The following FRMD6 variants were observed in gnomAD, a reference collection of about 807,000 sequenced individuals.
The protein encoded by FRMD6 is FERM domain-containing protein 6.
Under a neutral mutation model 73.2 loss-of-function variants are expected in FRMD6, and 37 were observed. The observed-to-expected ratio is 0.51, with a 90% CI of 0.39 to 0.66. The LOEUF is 0.66. Among genes scored for constraint, FRMD6 ranks in the 30% least tolerant of loss-of-function variants. The pLI, the probability that FRMD6 is intolerant of heterozygous loss-of-function variation, is 0.00. For synonymous variants in FRMD6, 273 were observed against 282.2 expected (o/e 0.97, Z 0.33); for missense variants, 714 against 780.5 (o/e 0.91, Z 1.02).
At chr14:51,588,212 A>G (rs370892161) in intron 2 of FRMD6, among the ~76,000 whole-genome samples, 1 of 152,114 alleles carries the variant, frequency 6.6e-6, no homozygotes, top group East Asian at 1.9e-4. Context: ...AAATGACTCA[A>G]TGTATATGCT....
chr14:51,443,413 G>A, the FRMD6 span, among the ~76,000 whole-genome samples: 3 of 152,202 alleles, frequency 2.0e-5, no homozygotes, highest in Admixed American at 2.0e-4. Context: ...ACCAAAAGAT[G>A]AGGCAGCGTG....
At chr14:51,660,613 G>GAAA (rs10605746) in intron 1 of FRMD6, among the ~76,000 whole-genome samples, 1,408 of 139,498 alleles carry the variant, frequency 0.01, 29 homozygotes, top group African/African-American at 0.034. Flanking sequence ...TAAAATAAAG[G>GAAA]AAAAAAAAAA....
At chr14:51,546,055 T>C (rs1187708111) in intron 1 of FRMD6, among the ~76,000 whole-genome samples, 2 of 152,292 alleles carry the variant, frequency 1.3e-5, no homozygotes, top group East Asian at 3.9e-4. Flanking sequence ...CGAAATTCCA[T>C]TATAAATAGA....
At chr14:51,478,166 C>G in the FRMD6 span, among the ~76,000 whole-genome samples, 1 of 152,334 alleles carries the variant, frequency 6.6e-6, no homozygotes, top group East Asian at 1.9e-4. Flanking sequence ...GCTTTTCAAG[C>G]CAGCATGTCT....
intron 1 of FRMD6, among the ~76,000 whole-genome samples, chr14:51,528,522 A>T (rs1885391429): frequency 6.6e-6 from 1 of 152,136 alleles, no homozygotes; most frequent in Admixed American, 6.5e-5. Context: ...TGGGGAGCCC[A>T]TTAGAAGGTC....
At chr14:51,408,740 G>A in the FRMD6 span, among the ~76,000 whole-genome samples, 10 of 152,182 alleles carry the variant, frequency 6.6e-5, no homozygotes, top group East Asian at 1.9e-3. Context: ...TATATATTGT[G>A]TGTCTAATTT....
intron 10 of FRMD6, 132 bp downstream of exon 10, chr14:51,715,631 A>G (rs1897197410): frequency 4.7e-6 from 3 of 634,102 alleles, no homozygotes; most frequent in East Asian, 5.9e-5. Flanking sequence ...GAGCAGCATT[A>G]CTATTTACAT....
At chr14:51,665,909 T>C (rs982979387) in intron 1 of FRMD6, among the ~76,000 whole-genome samples, 1 of 152,220 alleles carries the variant, frequency 6.6e-6, no homozygotes. Context: ...CCTTCTGCCA[T>C]GATTGTGAGG....
chr14:51,409,035 T>A, the FRMD6 span, among the ~76,000 whole-genome samples: 1 of 152,204 alleles, frequency 6.6e-6, no homozygotes, highest in Non-Finnish European at 1.5e-5. Flanking sequence ...CGACAGGGAC[T>A]TTTTCTCCTT....
chr14:51,593,565 T>C (rs11850904), intron 2 of FRMD6, among the ~76,000 whole-genome samples: 64,427 of 152,040 alleles, frequency 0.42, 14,029 homozygotes, highest in South Asian at 0.52. Context: ...TGCCTCTGAA[T>C]GGTCTTGCTT....
chr14:51,635,407 A>ACAAAT (rs1279713176), intron 2 of FRMD6, among the ~76,000 whole-genome samples: 1 of 152,116 alleles, frequency 6.6e-6, no homozygotes, highest in East Asian at 1.9e-4. Flanking sequence ...ACAAAACAAA[A>ACAAAT]AGGAGGCAGA....
In FRMD6 at chr14:51,720,342, G is replaced by C. The variant is rs1205949192; in HGVS notation, c.1312G>C (p.Val438Leu). The C allele has an allele frequency of 2.5e-6, 4 of 1,613,728 alleles. No homozygotes were observed. Among genetic ancestry groups the C allele is most frequent in the Non-Finnish European group, 2.5e-6 (3 of 1,180,040 alleles). The change falls in exon 11 of 14, where the codon GTG (valine) becomes CTG (leucine). Residue 438 changes from valine (V) to leucine (L), a missense_variant. Val to Leu is a conservative substitution (Grantham distance 32, BLOSUM62 1). Transcript: ENST00000344768. ...TCATGGCAGCTCCCACACCTCAGGG[G>C]TGGAGAGTGGCGGCAAAGACCGGCT... ...TSHGSSHTSG[V>L]ESGGKDRLEE...
chr14:51,660,613 G>GAAAAAAAAA (rs10605746), intron 1 of FRMD6, among the ~76,000 whole-genome samples: 1 of 139,568 alleles, frequency 7.2e-6, no homozygotes. Context: ...TAAAATAAAG[G>GAAAAAAAAA]AAAAAAAAAA....
chr14:51,710,249 T>G (rs551734361), intron 7 of FRMD6, among the ~76,000 whole-genome samples: 1 of 152,298 alleles, frequency 6.6e-6, no homozygotes, highest in East Asian at 1.9e-4. Context: ...TATTGGCTGA[T>G]TCACAGTTTT....
At chr14:51,708,695 C>T (rs1312624519) in intron 7 of FRMD6, among the ~76,000 whole-genome samples, 1 of 152,024 alleles carries the variant, frequency 6.6e-6, no homozygotes, top group African/African-American at 2.4e-5. Flanking sequence ...TTACTGGGCA[C>T]ACTTTATATG....
the FRMD6 span, among the ~76,000 whole-genome samples, chr14:51,447,445 T>G: frequency 6.6e-6 from 1 of 152,150 alleles, no homozygotes; most frequent in East Asian, 1.9e-4. Context: ...GACGTCGTAC[T>G]TATGGGATGC....
intron 2 of FRMD6, among the ~76,000 whole-genome samples, chr14:51,607,101 C>T (rs1335176561): frequency 1.3e-5 from 2 of 152,272 alleles, no homozygotes; most frequent in East Asian, 3.9e-4. Flanking sequence ...GGCCCACATG[C>T]TAATCTCCTC....
intron 2 of FRMD6, among the ~76,000 whole-genome samples, chr14:51,697,481 C>T (rs1896026042): frequency 6.6e-6 from 1 of 151,948 alleles, no homozygotes; most frequent in African/African-American, 2.4e-5. Flanking sequence ...TGATGGTTAC[C>T]TGAGACTGAG....
chr14:51,457,848 T>TA, the FRMD6 span, among the ~76,000 whole-genome samples: 1 of 152,226 alleles, frequency 6.6e-6, no homozygotes, highest in Non-Finnish European at 1.5e-5. Context: ...TTTGCATTCC[T>TA]AGCACCTATT....
Sources: allele counts gnomAD v4.1 joint callset (sites outside exome capture counted in the v4.1 genomes callset), GRCh38; gene constraint gnomAD v4.1.1; transcripts MANE v1.5; gene names NCBI Gene and HGNC (gene_info 2026-07-23, HGNC 2026-07-21).